Variants in RHOH observed in about 807,000 individuals in gnomAD.
The protein encoded by RHOH is ras homolog family member H.
Under a neutral mutation model 13.8 loss-of-function variants are expected in RHOH, and 6 were observed. The observed-to-expected ratio is 0.44, with a 90% confidence interval of 0.24 to 0.86. The LOEUF is 0.86. RHOH is among the 40% of genes least tolerant of loss of function. The pLI is 0.24. For synonymous variants in RHOH, 117 were observed against 103.0 expected (o/e 1.14, Z -0.82); for missense variants, 147 against 244.5 (o/e 0.60, Z 2.66).
Position 40,245,598 on chromosome 4 carries a change from G to A in RHOH, c.*1636G>A, listed in dbSNP as rs371309151. 8.0e-5 allele frequency: 12 copies of A among 150,178 alleles called. No homozygotes were observed. Among genetic ancestry groups the A allele is most frequent in the African/African-American group, 2.4e-4 (10 of 40,884 alleles). The allele number at this position is 150,178 out of a possible 1,614,324, so 9.3% of individuals were successfully genotyped here. Reference sequence around the variant, plus strand: ...AATTGCAAAGGCTGGCACCTAGATAGATCAATCAATTACTGCCCTAATCAA... The same window carrying A: ...AATTGCAAAGGCTGGCACCTAGATAAATCAATCAATTACTGCCCTAATCAA... On this transcript the variant is annotated 3_prime_UTR_variant, in exon 3 of 3. Coordinates refer to ENST00000381799, the MANE Select transcript of RHOH (RefSeq NM_004310.5).
At chr4:40,234,421 C>T (rs1254372001) in intron 1 of RHOH, among the ~76,000 whole-genome samples, 3 of 152,054 alleles carry the variant, frequency 2.0e-5, no homozygotes, top group Admixed American at 6.6e-5. Context: ...GAAATTGAAC[C>T]GGACTAAGAA....
chr4:40,193,280 G>A (rs1291480557), upstream of RHOH, among the ~76,000 whole-genome samples: 1 of 152,088 alleles, frequency 6.6e-6, no homozygotes, highest in African/African-American at 2.4e-5. Flanking sequence ...TGGACCCATG[G>A]TTTCCCTCCT....
intron 1 of RHOH, among the ~76,000 whole-genome samples, chr4:40,205,107 A>G (rs956549201): frequency 6.6e-6 from 1 of 152,174 alleles, no homozygotes; most frequent in African/African-American, 2.4e-5. Context: ...TACTAAAAAT[A>G]CAAAATTAGC....
intron 1 of RHOH, among the ~76,000 whole-genome samples, chr4:40,201,465 C>A (rs1407304441): frequency 1.3e-5 from 2 of 151,946 alleles, no homozygotes; most frequent in Admixed American, 1.3e-4. Flanking sequence ...GTAATATTTT[C>A]AGAAATTTTC....
At chr4:40,232,268 A>C (rs1051155001) in intron 1 of RHOH, among the ~76,000 whole-genome samples, 3 of 152,204 alleles carry the variant, frequency 2.0e-5, no homozygotes, top group African/African-American at 7.2e-5. Context: ...TTTGTTGCCC[A>C]GGCTGGAGTG....
Position 40,216,599 on chromosome 4 carries a change from T to G in RHOH, c.-331+19299T>G, listed in dbSNP as rs985915625. Among the ~76,000 whole-genome samples the G allele has an allele frequency of 2.5e-4, 38 of 152,322 alleles. 1 individual carries two copies. The highest frequency in any genetic ancestry group is 1.2e-3 in the Admixed American group (19 of 15,294). On this transcript the variant is annotated intron_variant, in intron 1 of 2. Transcript: ENST00000381799. ...TTGAGGATTGGATTGGATATAAATT[T>G]CCCCAAGCACAATGTGTGTACCAAT...
chr4:40,234,047 GTTTGACAACC>G lies in RHOH; in HGVS notation c.-330-8664_-330-8655del, dbSNP rs528019603. On this transcript the variant is annotated intron_variant, in intron 1 of 2. Transcript: ENST00000381799. ...TGGATTCAGCCATGCGTGGGCCATA[GTTTGACAACC>G]TTACTTTATAGCATCGTGACATTAT... is the stretch of plus-strand genomic sequence containing the variant. Among the ~76,000 whole-genome samples, 135 of 152,322 alleles carry G rather than the reference GTTTGACAACC, an allele frequency of 8.9e-4. 1 individual carries two copies. In the Middle Eastern group the frequency reaches 0.01, roughly 12 times the overall value.
chr4:40,230,803 G>A (rs1310216794), intron 1 of RHOH, among the ~76,000 whole-genome samples: 1 of 152,074 alleles, frequency 6.6e-6, no homozygotes, highest in African/African-American at 2.4e-5. Context: ...GAATGAAACA[G>A]ACCTTTAAAA....
In RHOH at chr4:40,220,403, T is replaced by A. The variant is rs553770049; in HGVS notation, c.-330-22311T>A. 1.3e-3 allele frequency among the ~76,000 whole-genome samples: 193 copies of A among 151,834 alleles called. 1 individual carries two copies. Among genetic ancestry groups the A allele is most frequent in the African/African-American group, 4.3e-3 (178 of 41,398 alleles). ...ATTTTTTGCAGGACGAACCGGAGAG[T>A]GAGGTCATTTATACGCAGAACATTG... On this transcript the variant is annotated intron_variant, in intron 1 of 2. Coordinates refer to ENST00000381799, the MANE Select transcript of RHOH (RefSeq NM_004310.5).
At chr4:40,217,611 A>C (rs1201766233) in intron 1 of RHOH, among the ~76,000 whole-genome samples, 1 of 152,180 alleles carries the variant, frequency 6.6e-6, no homozygotes, top group Non-Finnish European at 1.5e-5. Flanking sequence ...TTTTCCCCAC[A>C]TTATTAAATA....
chr4:40,195,900 A>C (rs150521894), upstream of RHOH, among the ~76,000 whole-genome samples: 788 of 152,336 alleles, frequency 5.2e-3, 8 homozygotes, highest in African/African-American at 0.018. Context: ...GTCTATTGAT[A>C]AGAATGCTCA....
intron 1 of RHOH, among the ~76,000 whole-genome samples, chr4:40,229,526 C>T (rs532133387): frequency 1.0e-4 from 15 of 150,684 alleles, no homozygotes; most frequent in African/African-American, 2.9e-4. Context: ...CTGAGCTACT[C>T]GGGAGGCTGA....
At position 40,233,960 on chromosome 4, in the gene RHOH, AAAATG is replaced by A. The variant is rs143414071; in HGVS notation, c.-330-8749_-330-8745del. ...AAAATAAAATAAAATAAAATAAAAT[AAAATG>A]AAATAAAATGTAAAAACCATTCTCA... On this transcript the variant is annotated intron_variant, in intron 1 of 2. Transcript: ENST00000381799. Among the ~76,000 whole-genome samples the A allele has an allele frequency of 5.0e-3, 755 of 150,766 alleles. 5 individuals are homozygous for A. The highest frequency in any genetic ancestry group is 0.018 in the African/African-American group (720 of 40,410).
In RHOH at chr4:40,243,389, G is replaced by GTTCCATCCACGCA. The variant is rs1319636044; in HGVS notation, c.3_4insTTCCATCCACGCA (p.Leu2PhefsTer66). 1 of 1,580,654 alleles carries GTTCCATCCACGCA rather than the reference G, an allele frequency of 6.3e-7. No individual in the cohort carries two copies. Among genetic ancestry groups the GTTCCATCCACGCA allele is most frequent in the South Asian group, 1.2e-5 (1 of 86,390 alleles). On this transcript the variant is annotated frameshift_variant, in exon 3 of 3. Transcript: ENST00000381799. LOFTEE classifies it high-confidence loss of function. This position sits in a 1 kb window ranked among gnomAD's most constrained non-coding sequence, Gnocchi z 6.2. ...GAGTAGGACAGCAGGCTGGGAAGAT[G>GTTCCATCCACGCA]CTGAGTTCCATCAAGTGCGTGTTGG...
In RHOH at chr4:40,233,874, C is replaced by T. The variant is rs753989559; in HGVS notation, c.-330-8840C>T. On this transcript the variant is annotated intron_variant, in intron 1 of 2. Transcript: ENST00000381799. Reference sequence around the variant, plus strand: ...TTGGGAGGCAGAGGTTGCAGTGAGCCGGGATCATGCCACTGCAGTCCAGCC... The same window carrying T: ...TTGGGAGGCAGAGGTTGCAGTGAGCTGGGATCATGCCACTGCAGTCCAGCC... Among the ~76,000 whole-genome samples the T allele has an allele frequency of 9.2e-5, 14 of 151,448 alleles. No homozygotes were observed. In the Middle Eastern group the frequency reaches 0.014, roughly 147 times the overall value.
intron 1 of RHOH, among the ~76,000 whole-genome samples, chr4:40,208,750 T>G (rs1253602269): frequency 6.6e-6 from 1 of 152,160 alleles, no homozygotes; most frequent in African/African-American, 2.4e-5. Context: ...GCAAGACTTC[T>G]CAACACAATG....
intron 1 of RHOH, among the ~76,000 whole-genome samples, chr4:40,224,581 T>A (rs1187664660): frequency 6.6e-6 from 1 of 152,236 alleles, no homozygotes; most frequent in Non-Finnish European, 1.5e-5. Context: ...GGGTCTGTTT[T>A]TTATTATCAC....
intron 1 of RHOH, among the ~76,000 whole-genome samples, chr4:40,226,148 C>T (rs1410353684): frequency 2.0e-5 from 3 of 152,098 alleles, no homozygotes; most frequent in Non-Finnish European, 2.9e-5. Flanking sequence ...ATCCTGCAAA[C>T]GATGCATGAT....
intron 1 of RHOH, among the ~76,000 whole-genome samples, chr4:40,203,110 T>C (rs568446622): frequency 1.3e-5 from 2 of 152,276 alleles, no homozygotes; most frequent in African/African-American, 4.8e-5. Flanking sequence ...TAGCTGGGAA[T>C]ACAGGTGCCC....
Sources: allele counts gnomAD v4.1 joint callset (sites outside exome capture counted in the v4.1 genomes callset), GRCh38; gene constraint gnomAD v4.1.1; non-coding constraint Gnocchi (gnomAD v3.1); transcripts MANE v1.5; gene names NCBI Gene and HGNC (gene_info 2026-07-23, HGNC 2026-07-21).